APC2: variants seen among roughly 807,000 people sequenced by gnomAD.
APC2 encodes adenomatous polyposis coli protein 2.
APC2 carries 41 observed loss-of-function variants against 72.5 expected under a neutral mutation model. The observed-to-expected ratio is 0.57, with a 90% CI of 0.44 to 0.73. APC2 has a LOEUF of 0.73. Ranked by LOEUF, APC2 falls within the 30% of genes least tolerant of loss-of-function variation. The pLI, the probability that APC2 is intolerant of heterozygous loss-of-function variation, is 0.00. For synonymous variants in APC2, 1,898 were observed against 1,612.0 expected, an observed-to-expected ratio of 1.18 and a Z score of -4.25; for missense variants, 3,729 against 3,403.4, an observed-to-expected ratio of 1.10 and a Z score of -2.38.
At position 1,469,178 on chromosome 19, in the gene APC2, C is replaced by A. The variant is rs1461873253; in HGVS notation, c.5877C>A (p.Thr1959=). The change falls in exon 15 of 15, where the codon ACC becomes ACA. Residue 1959 remains threonine (T), a synonymous_variant. Transcript: ENST00000590469. The part of the protein sequence containing the change: ...PEPGPRGRAG[T]EAGPGARGGR... Reference sequence around the variant, plus strand: ...CGGGCCCCAGGGGCCGGGCGGGGACCGAGGCGGGCCCGGGGGCGCGCGGGG... The same window carrying A: ...CGGGCCCCAGGGGCCGGGCGGGGACAGAGGCGGGCCCGGGGGCGCGCGGGG... The A allele has an allele frequency of 9.4e-6, 12 of 1,283,316 alleles. No homozygotes were observed. The East Asian group carries it at 1.9e-4, about 21-fold the overall frequency. The allele number at this position is 1,283,316 out of a possible 1,614,324, so 79.5% of individuals were successfully genotyped here. A position where few individuals can be genotyped will look rare whatever the true frequency, so the allele number is the denominator to read the frequency against.
At position 1,452,771 on chromosome 19, in the gene APC2, A is replaced by G. The variant is rs919256378; in HGVS notation, c.-18-213A>G. The G allele has an allele frequency of 7.0e-6, 4 of 570,744 alleles. No homozygotes were observed. Among genetic ancestry groups the G allele is most frequent in the Non-Finnish European group, 9.2e-6 (3 of 325,836 alleles). 35.4% of individuals were successfully genotyped at this position (570,744 alleles called of 1,614,324 possible). ...GGCCCCTCTGTCTCCCCTTGGGGCCACCTCTCACTCCACCTGCCCCTCTGC... is the reference window on the plus strand; with the variant it reads ...GGCCCCTCTGTCTCCCCTTGGGGCCGCCTCTCACTCCACCTGCCCCTCTGC... On this transcript the variant is annotated intron_variant, in intron 1 of 14. Transcript: ENST00000590469. The surrounding 1 kb of genome is among the most constrained non-coding windows in gnomAD (Gnocchi z 5.1).
Position 1,465,423 on chromosome 19 carries a change from G to A in APC2, c.2122G>A (p.Ala708Thr). The change falls in exon 15 of 15, where the codon GCC (alanine) becomes ACC (threonine). Residue 708 changes from alanine (A) to threonine (T), a missense_variant. Transcript: ENST00000590469. ...CGCCAAGCACCAGGCGGCCGCCACC[G>A]CCGTGTCCCCAGGCAGCTGCGTGCC... ...RPAKHQAAATAVSPGSCVPSL... is the reference protein window; with the variant it reads ...RPAKHQAAATTVSPGSCVPSL... The A allele has an allele frequency of 1.9e-6, 3 of 1,545,050 alleles. No individual in the cohort carries two copies. Among genetic ancestry groups the A allele is most frequent in the South Asian group, 2.3e-5 (2 of 85,484 alleles).
upstream of APC2, among the ~76,000 whole-genome samples, chr19:1,446,570 G>T (rs941818833): frequency 6.6e-6 from 1 of 151,842 alleles, no homozygotes; most frequent in African/African-American, 2.4e-5. The surrounding 1 kb of genome is among the most constrained non-coding windows in gnomAD (Gnocchi z 6.1). Flanking sequence ...GCGACCCCCA[G>T]CCCCGGGTCT....
intron 11 of APC2, 51 bp downstream of exon 11, chr19:1,460,371 G>A: frequency 1.2e-6 from 2 of 1,609,348 alleles, no homozygotes; most frequent in Non-Finnish European, 1.7e-6. Context: ...AGTCTTCCAG[G>A]GACTGAGCCT....
At chr19:1,464,844 G>C (rs1409572235) in intron 14 of APC2, among the ~76,000 whole-genome samples, 1 of 151,196 alleles carries the variant, frequency 6.6e-6, no homozygotes, top group African/African-American at 2.4e-5. Context: ...TGTTGGCCAG[G>C]ATGGTCTCGA....
At chr19:1,455,108 G>A in intron 4 of APC2, 41 bp from the exon 5 acceptor site, 1 of 1,335,864 alleles carries the variant, frequency 7.5e-7, no homozygotes, top group Non-Finnish European at 1.0e-6. Context: ...AACACACACG[G>A]CGCCGCCCTC....
chr19:1,465,281 G>A lies in APC2; in HGVS notation c.1980G>A (p.Gln660=), dbSNP rs2083988843. ...TGTCGGCCCGCAGCGCCCGTGACCA[G>A]GAGCTGCTGTGGGACCTGGGCGCCG... The part of the protein sequence containing the change: ...WNLSARSARD[Q]ELLWDLGAVG... Residue 660 remains glutamine, a synonymous_variant, in exon 15 of 15, where the codon CAG becomes CAA. Transcript: ENST00000590469. The A allele has an allele frequency of 8.1e-6, 13 of 1,604,776 alleles. No homozygotes were observed. The highest frequency in any genetic ancestry group is 9.3e-6 in the Non-Finnish European group (11 of 1,178,740).
chr19:1,450,899 G>A (rs908598008), intron 1 of APC2, among the ~76,000 whole-genome samples: 1 of 152,220 alleles, frequency 6.6e-6, no homozygotes, highest in Non-Finnish European at 1.5e-5. Context: ...AGGTGCTCTA[G>A]GCAGGGCAAC....
At chr19:1,464,442 G>A (rs2083973007) in intron 14 of APC2, among the ~76,000 whole-genome samples, 1 of 151,944 alleles carries the variant, frequency 6.6e-6, no homozygotes, top group Non-Finnish European at 1.5e-5. Context: ...TGTAATCCCA[G>A]CCCTTTGGGA....
rs1233140791 is a variant in APC2 at position 1,465,302 on chromosome 19, C to G, written c.2001C>G (p.Gly667=). ...ARDQELLWDL[G]AVGMLRNLVH... ...ACCAGGAGCTGCTGTGGGACCTGGGCGCCGTGGGCATGCTGCGTAATCTGG... is the reference window on the plus strand; with the variant it reads ...ACCAGGAGCTGCTGTGGGACCTGGGGGCCGTGGGCATGCTGCGTAATCTGG... Residue 667 remains glycine (G), a synonymous_variant, in exon 15 of 15, where the codon GGC becomes GGG. Coordinates refer to ENST00000590469, the MANE Select transcript of APC2 (RefSeq NM_005883.3). 1 of 1,599,192 alleles carries G rather than the reference C, an allele frequency of 6.3e-7. No homozygotes were observed. The highest frequency in any genetic ancestry group is 1.1e-5 in the South Asian group (1 of 90,596).
upstream of APC2, among the ~76,000 whole-genome samples, chr19:1,446,735 G>T (rs1188899743): frequency 5.3e-5 from 8 of 152,264 alleles, no homozygotes; most frequent in Middle Eastern, 0.014. The surrounding 1 kb of genome is among the most constrained non-coding windows in gnomAD (Gnocchi z 6.1). Context: ...CAGGGTGGGG[G>T]CCTGGGCCAC....
intron 11 of APC2, 52 bp from the exon 12 acceptor site, chr19:1,460,728 C>T (rs992519419): frequency 5.8e-6 from 9 of 1,564,048 alleles, no homozygotes; most frequent in Admixed American, 1.7e-5. Flanking sequence ...GTGAGGGGCA[C>T]AGTCTCCCTT....
In APC2 at chr19:1,450,233, C is replaced by T. The variant is rs926181888; in HGVS notation, c.-124C>T. On this transcript the variant is annotated 5_prime_UTR_variant, in exon 1 of 15. Transcript: ENST00000590469. ...CCGCGGAGACCCCGGAGCCCGCGCG[C>T]TCCGAGGCCACCCCGGGCCGGGATT... 6 of 985,210 alleles carry T rather than the reference C, an allele frequency of 6.1e-6. No homozygotes were observed. Among genetic ancestry groups the T allele is most frequent in the Non-Finnish European group, 6.0e-6 (5 of 829,914 alleles). 61.0% of individuals were successfully genotyped at this position (985,210 alleles called of 1,614,324 possible). A position where few individuals can be genotyped will look rare whatever the true frequency, so the allele number is the denominator to read the frequency against.
At chr19:1,462,970 TA>T (rs542373416) in intron 14 of APC2, among the ~76,000 whole-genome samples, 21,600 of 117,874 alleles carry the variant, frequency 0.18, 3,334 homozygotes, top group African/African-American at 0.45. Flanking sequence ...GATTCCGTCT[TA>T]AAAAAAAAAA....
Position 1,472,851 on chromosome 19 carries a change from G to T in APC2, c.*2638G>T, listed in dbSNP as rs1380427530. 1 of 152,356 alleles carries T rather than the reference G, an allele frequency of 6.6e-6. No individual in the cohort carries two copies. Among genetic ancestry groups the T allele is most frequent in the African/African-American group, 2.4e-5 (1 of 41,454 alleles). 9.4% of individuals were successfully genotyped at this position (152,356 alleles called of 1,614,324 possible). On this transcript the variant is annotated 3_prime_UTR_variant, in exon 15 of 15. Coordinates refer to ENST00000590469, the MANE Select transcript of APC2 (RefSeq NM_005883.3). ...CCAATGCTCCAGGGCCAGTCCTAAG[G>T]AGCTGAGGGTCTGAGGACGCAGGGA... is the stretch of plus-strand genomic sequence containing the variant.
chr19:1,467,240 C>T lies in APC2; in HGVS notation c.3939C>T (p.Leu1313=). Residue 1313 remains leucine, a synonymous_variant, in exon 15 of 15, where the codon CTC becomes CTT. Coordinates refer to ENST00000590469, the MANE Select transcript of APC2 (RefSeq NM_005883.3). ...GCGGGGGCGCCGGGGGCGCCGGCCT[C>T]CACTTTGCAGGGCACCGGCGGCGGG... ...ERGGGAGGAG[L]HFAGHRRREE... 1 of 1,361,084 alleles carries T rather than the reference C, an allele frequency of 7.3e-7. No individual in the cohort carries two copies. 84.3% of individuals were successfully genotyped at this position (1,361,084 alleles called of 1,614,324 possible). A position where few individuals can be genotyped will look rare whatever the true frequency, so the allele number is the denominator to read the frequency against.
Position 1,462,059 on chromosome 19 carries a change from G to C in APC2, c.1735G>C (p.Gly579Arg), listed in dbSNP as rs148092880. 72 of 1,613,070 alleles carry C rather than the reference G, an allele frequency of 4.5e-5. No homozygotes were observed. In the African/African-American group the frequency reaches 9.1e-4, roughly 20 times the overall value. Residue 579 changes from glycine (G) to arginine (R), a missense_variant, in exon 14 of 15, where the codon GGC becomes CGC. Gly to Arg is a moderately radical substitution (Grantham distance 125). Transcript: ENST00000590469. ...AAICQVDGAL[G>R]FLVSTLTYKC... ...CATCTGCCAGGTGGATGGCGCCCTG[G>C]GCTTCCTGGTGAGCACCCTGACCTA...
At position 1,461,993 on chromosome 19, in the gene APC2, C is replaced by G. The variant is rs1377537098; in HGVS notation, c.1669C>G (p.Leu557Val). The G allele has an allele frequency of 6.2e-7, 1 of 1,612,896 alleles. No individual in the cohort carries two copies. The highest frequency in any genetic ancestry group is 1.3e-5 in the African/African-American group (1 of 74,920). ...ESTLKSVLSALWNLSAHSTEN... is the reference protein window; with the variant it reads ...ESTLKSVLSAVWNLSAHSTEN... The stretch of plus-strand genomic sequence containing the variant: ...CACCCTGAAGAGCGTGCTGAGCGCC[C>G]TGTGGAATCTGTCTGCACACAGCAC... The change falls in exon 14 of 15, where the codon CTG becomes GTG. Residue 557 changes from leucine to valine, a missense_variant. By Grantham distance (32) the Leu-to-Val change is conservative. Transcript: ENST00000590469.
chr19:1,457,891 G>A, intron 9 of APC2, 74 bp from the exon 10 acceptor site: 1 of 1,307,682 alleles, frequency 7.6e-7, no homozygotes, highest in South Asian at 1.3e-5. Context: ...GGGCGGGCGG[G>A]TTGCGGGACC....
Sources: gnomAD v4.1 joint callset for allele counts (sites outside exome capture counted in the v4.1 genomes callset) on GRCh38, gnomAD v4.1.1 for gene constraint, Gnocchi (gnomAD v3.1) non-coding constraint, MANE v1.5 for transcripts, NCBI Gene and HGNC (gene_info 2026-07-23, HGNC 2026-07-21) for gene names.